LRRC8C: variants seen among roughly 807,000 people sequenced by gnomAD.
LRRC8C encodes volume-regulated anion channel subunit LRRC8C.
LRRC8C carries 20 observed loss-of-function variants against 55.3 expected under a neutral mutation model. The ratio of observed to expected loss-of-function variants is 0.36; its 90% CI spans 0.25 to 0.53. The LOEUF (loss-of-function observed/expected upper bound fraction) is 0.53. Ranked by LOEUF, LRRC8C falls within the 20% of genes least tolerant of loss-of-function variation. The pLI, the probability that LRRC8C is intolerant of heterozygous loss-of-function variation, is 0.92. For synonymous variants in LRRC8C, 376 were observed against 360.7 expected (o/e 1.04, Z -0.48); for missense variants, 659 against 951.4 (o/e 0.69, Z 4.04).
chr1:89,676,513 C>CTAGA (rs1657551733), intron 1 of LRRC8C: 1 of 152,156 alleles, frequency 6.6e-6, no homozygotes, highest in Non-Finnish European at 1.5e-5. Context: ...ATGTCAGGGT[C>CTAGA]TATCTAAGGG....
chr1:89,638,428 G>A (rs559203819), intron 1 of LRRC8C, among the ~76,000 whole-genome samples: 8 of 151,800 alleles, frequency 5.3e-5, no homozygotes, highest in African/African-American at 1.9e-4. Context: ...ATTATTTAAG[G>A]TTTTGTTACC....
chr1:89,688,376 A>G (rs1223203717), intron 2 of LRRC8C, among the ~76,000 whole-genome samples: 1 of 152,250 alleles, frequency 6.6e-6, no homozygotes, highest in East Asian at 1.9e-4. Flanking sequence ...ATTCTATGGG[A>G]AAAATAAGCA....
At chr1:89,625,021 C>T in the LRRC8C span, 1 of 152,070 alleles carries the variant, frequency 6.6e-6, no homozygotes, top group Non-Finnish European at 1.5e-5. Context: ...TTAGAAATGC[C>T]TCATTAGAGG....
At position 89,713,264 on chromosome 1, in the gene LRRC8C, A is replaced by G. The variant is rs1456912947; in HGVS notation, c.694A>G (p.Lys232Glu). 1 of 1,614,220 alleles carries G rather than the reference A, an allele frequency of 6.2e-7. No individual in the cohort carries two copies. The part of the protein sequence containing the change: ...VDKSTAGALD[K>E]KEGEQAKALF... ...TAAATCCACTGCAGGGGCTCTGGAT[A>G]AAAAGGAAGGTGAGCAGGCTAAGGC... The change falls in exon 3 of 3, where the codon AAA becomes GAA. Residue 232 changes from lysine (K) to glutamate (E), a missense_variant. Physicochemically the swap from Lys to Glu is moderately conservative, Grantham distance 56. Coordinates refer to ENST00000370454, the MANE Select transcript of LRRC8C (RefSeq NM_032270.5). The surrounding 1 kb of genome is among the most constrained non-coding windows in gnomAD (Gnocchi z 5.2).
At chr1:89,679,789 G>T (rs893315528) in intron 1 of LRRC8C, among the ~76,000 whole-genome samples, 1 of 152,126 alleles carries the variant, frequency 6.6e-6, no homozygotes, top group African/African-American at 2.4e-5. Flanking sequence ...TTGTGCTAAA[G>T]GTGATACTAT....
In LRRC8C at chr1:89,702,899, G is replaced by A. The variant is rs551591705; in HGVS notation, c.139-9810G>A. On this transcript the variant is annotated intron_variant, in intron 2 of 2. Coordinates refer to ENST00000370454, the MANE Select transcript of LRRC8C (RefSeq NM_032270.5). ...GGACTGTACTCAGTAGCATAAAGAA[G>A]TAATGAATTAAACAAGAGTTCTCAG... 8.5e-5 allele frequency among the ~76,000 whole-genome samples: 13 copies of A among 152,298 alleles called. 2 individuals are homozygous for A. The South Asian group carries it at 2.7e-3, about 32-fold the overall frequency.
rs1481561938 is a variant in LRRC8C, at chr1:89,716,114, T to C, written c.*1132T>C. On this transcript the variant is annotated 3_prime_UTR_variant, in exon 3 of 3. Coordinates refer to ENST00000370454, the MANE Select transcript of LRRC8C (RefSeq NM_032270.5). ...TGTACAGACTTTTTCCTTGTCATTA[T>C]TCCCTAAACAATACAGCGTAACAAC... 6.6e-6 allele frequency: 1 copy of C among 152,214 alleles called. No homozygotes were observed. The highest frequency in any genetic ancestry group is 2.4e-5 in the African/African-American group (1 of 41,454). The allele number at this position is 152,214 out of a possible 1,614,324, so 9.4% of individuals were successfully genotyped here. A position where few individuals can be genotyped will look rare whatever the true frequency, so the allele number is the denominator to read the frequency against.
chr1:89,630,410 A>T (rs1434836665), upstream of LRRC8C, among the ~76,000 whole-genome samples: 1 of 152,220 alleles, frequency 6.6e-6, no homozygotes, highest in African/African-American at 2.4e-5. Context: ...AGCCCTGCAT[A>T]GCCCAGAAAT....
intron 2 of LRRC8C, among the ~76,000 whole-genome samples, chr1:89,693,025 T>A (rs946364424): frequency 5.3e-5 from 8 of 152,180 alleles, no homozygotes; most frequent in Non-Finnish European, 1.2e-4. Flanking sequence ...CTGGAAGCCC[T>A]AGGGGACCTG....
intron 1 of LRRC8C, among the ~76,000 whole-genome samples, chr1:89,656,192 T>G (rs10801764): frequency 0.56 from 85,171 of 152,042 alleles, 24,216 homozygotes; most frequent in East Asian, 0.8. Flanking sequence ...GGGACATGTT[T>G]ATCTCACAGA....
chr1:89,713,713 C>T lies in LRRC8C; in HGVS notation c.1143C>T (p.Asp381=). The T allele has an allele frequency of 6.2e-7, 1 of 1,614,096 alleles. No individual in the cohort carries two copies. The highest frequency in any genetic ancestry group is 8.5e-7 in the Non-Finnish European group (1 of 1,180,016). ...TGCTTCATATGATAGATCAGTATGACCCTCTCTATTCCAAGAGATTTGCAG... is the reference window on the plus strand; with the variant it reads ...TGCTTCATATGATAGATCAGTATGATCCTCTCTATTCCAAGAGATTTGCAG... The part of the protein sequence containing the change: ...AFMLHMIDQY[D]PLYSKRFAVF... Residue 381 remains aspartate (D), a synonymous_variant, in exon 3 of 3, where the codon GAC becomes GAT. Coordinates refer to ENST00000370454, the MANE Select transcript of LRRC8C (RefSeq NM_032270.5). This position sits in a 1 kb window ranked among gnomAD's most constrained non-coding sequence, Gnocchi z 5.2.
the LRRC8C span, among the ~76,000 whole-genome samples, chr1:89,618,914 A>C: frequency 6.6e-6 from 1 of 152,324 alleles, no homozygotes; most frequent in East Asian, 1.9e-4. Context: ...CAAATGGCTG[A>C]ACTGTTTCTG....
In LRRC8C at chr1:89,715,333, C is replaced by A. The variant is rs1001704445; in HGVS notation, c.*351C>A. ...ATAGAGGAAGATATTTTGCCAAGGC[C>A]ATTTTTAACTTGTTTACACCTGTAC... On this transcript the variant is annotated 3_prime_UTR_variant, in exon 3 of 3. Transcript: ENST00000370454. The A allele has an allele frequency of 3.1e-5, 5 of 162,272 alleles. No homozygotes were observed. Among genetic ancestry groups the A allele is most frequent in the Non-Finnish European group, 6.6e-5 (5 of 75,360 alleles). 10.1% of individuals were successfully genotyped at this position (162,272 alleles called of 1,614,324 possible). A position where few individuals can be genotyped will look rare whatever the true frequency, so the allele number is the denominator to read the frequency against.
At chr1:89,663,953 C>T (rs1237236138) in intron 1 of LRRC8C, among the ~76,000 whole-genome samples, 3 of 152,286 alleles carry the variant, frequency 2.0e-5, no homozygotes, top group East Asian at 1.9e-4. Flanking sequence ...ATATCCTCTG[C>T]CCACTTTTTG....
intron 1 of LRRC8C, among the ~76,000 whole-genome samples, chr1:89,654,076 A>T (rs1401510587): frequency 6.6e-6 from 1 of 152,210 alleles, no homozygotes; most frequent in East Asian, 1.9e-4. Flanking sequence ...AATATTATTC[A>T]TCCATGGAAA....
At chr1:89,669,113 A>T (rs1425530103) in intron 1 of LRRC8C, among the ~76,000 whole-genome samples, 4 of 152,234 alleles carry the variant, frequency 2.6e-5, no homozygotes, top group African/African-American at 9.6e-5. Context: ...CTCAGCCTTT[A>T]AAAAACAGGA....
the LRRC8C span, among the ~76,000 whole-genome samples, chr1:89,621,296 T>TAAAAA: frequency 2.8e-4 from 35 of 123,840 alleles, no homozygotes; most frequent in African/African-American, 9.0e-4. Context: ...CCGTCTCTAC[T>TAAAAA]AAAAAAAAAA....
chr1:89,649,947 C>A (rs1272504591), intron 1 of LRRC8C, among the ~76,000 whole-genome samples: 1 of 152,132 alleles, frequency 6.6e-6, no homozygotes, highest in Non-Finnish European at 1.5e-5. Flanking sequence ...ACTTTTGTGA[C>A]CCCTTTAACT....
upstream of LRRC8C, among the ~76,000 whole-genome samples, chr1:89,628,524 G>A (rs1656029457): frequency 6.6e-6 from 1 of 152,160 alleles, no homozygotes; most frequent in African/African-American, 2.4e-5. Flanking sequence ...AGAATGCTGG[G>A]GTTATAGGTA....
Sources: allele counts gnomAD v4.1 joint callset (sites outside exome capture counted in the v4.1 genomes callset), GRCh38; gene constraint gnomAD v4.1.1; non-coding constraint Gnocchi (gnomAD v3.1); transcripts MANE v1.5; gene names NCBI Gene and HGNC (gene_info 2026-07-23, HGNC 2026-07-21).